The following DIAPH3 variants were observed in gnomAD, a reference collection of about 807,000 sequenced individuals.
DIAPH3 encodes the protein protein diaphanous homolog 3.
Under a neutral mutation model 144.3 loss-of-function variants are expected in DIAPH3, and 117 were observed. That is an observed-to-expected ratio of 0.81 (90% CI 0.70 to 0.95). The LOEUF (loss-of-function observed/expected upper bound fraction) is 0.95. Ranked by LOEUF, DIAPH3 falls within the 40% of genes least tolerant of loss-of-function variation. DIAPH3 has a pLI of 0.00. For synonymous variants in DIAPH3, 519 were observed against 488.9 expected (o/e 1.06, Z -0.81); for missense variants, 1,421 against 1,412.7 (o/e 1.01, Z -0.09).
At chr13:59,670,866 G>C (rs887120824) in intron 27 of DIAPH3, among the ~76,000 whole-genome samples, 1 of 152,112 alleles carries the variant, frequency 6.6e-6, no homozygotes, top group African/African-American at 2.4e-5. Context: ...TTTCAGGTGT[G>C]AGCTACTGCA....
rs1409598861 is a variant in DIAPH3 at position 59,924,484 on chromosome 13, AT to A, written c.2170+290del. On this transcript the variant is annotated intron_variant, in intron 18 of 27. Coordinates refer to ENST00000400324, the MANE Select transcript of DIAPH3 (RefSeq NM_001042517.2). ...CATTACCTAAATTCCTTAAGTCTTT[AT>A]TTTTATACTTTAAAAAAAGGGACTT... 7.4e-5 allele frequency among the ~76,000 whole-genome samples: 9 copies of A among 121,546 alleles called. No homozygotes were observed. In the East Asian group the frequency reaches 1.8e-3, roughly 24 times the overall value. The allele number at this position is 121,546 out of a possible 152,430, so 79.7% of individuals were successfully genotyped here. A position where few individuals can be genotyped will look rare whatever the true frequency, so the allele number is the denominator to read the frequency against.
intron 27 of DIAPH3, among the ~76,000 whole-genome samples, chr13:59,701,578 TA>T (rs1384585319): frequency 6.6e-6 from 1 of 152,238 alleles, no homozygotes; most frequent in Non-Finnish European, 1.5e-5. Context: ...GCTCACTGAA[TA>T]AATGAACTGA....
At chr13:59,680,907 G>A (rs902070258) in intron 27 of DIAPH3, among the ~76,000 whole-genome samples, 2 of 152,090 alleles carry the variant, frequency 1.3e-5, no homozygotes, top group Non-Finnish European at 2.9e-5. Flanking sequence ...CTCATGATAC[G>A]AAAAGACCGC....
intron 25 of DIAPH3, among the ~76,000 whole-genome samples, chr13:59,791,644 C>T (rs189174837): frequency 9.1e-4 from 139 of 152,184 alleles, no homozygotes; most frequent in Middle Eastern, 3.4e-3. Context: ...CTTAGGTTTG[C>T]TGACTTATAT....
At chr13:59,987,146 T>TA (rs1215854187) in intron 12 of DIAPH3, among the ~76,000 whole-genome samples, 1 of 151,738 alleles carries the variant, frequency 6.6e-6, no homozygotes, top group African/African-American at 2.4e-5. Flanking sequence ...TATGCAGCCA[T>TA]AAAAAATGAT....
intron 9 of DIAPH3, among the ~76,000 whole-genome samples, chr13:60,007,753 T>A (rs1411621567): frequency 6.6e-6 from 1 of 152,234 alleles, no homozygotes; most frequent in Non-Finnish European, 1.5e-5. Flanking sequence ...ATGAATATTA[T>A]TCAGCTTGAA....
At chr13:59,668,232 G>A (rs2138574024) in intron 27 of DIAPH3, among the ~76,000 whole-genome samples, 1 of 152,298 alleles carries the variant, frequency 6.6e-6, no homozygotes, top group South Asian at 2.1e-4. Context: ...TGGTATTCCT[G>A]CAGTTCCTAT....
intron 27 of DIAPH3, among the ~76,000 whole-genome samples, chr13:59,708,418 T>C (rs1049990625): frequency 6.6e-6 from 1 of 152,176 alleles, no homozygotes; most frequent in African/African-American, 2.4e-5. Context: ...ACCACTGCAC[T>C]AAAATTCCCC....
intron 27 of DIAPH3, among the ~76,000 whole-genome samples, chr13:59,670,133 T>C (rs1334749015): frequency 1.3e-5 from 2 of 152,268 alleles, no homozygotes; most frequent in East Asian, 3.9e-4. Context: ...AAACTCAAAA[T>C]AGCTGTGGGC....
chr13:59,987,475 T>TAAAAAAAAAAAAAAAAAAAAAAAA (rs201333360), intron 12 of DIAPH3, among the ~76,000 whole-genome samples: 5 of 70,074 alleles, frequency 7.1e-5, no homozygotes, highest in Non-Finnish European at 9.4e-5. Flanking sequence ...TAAAGTATAA[T>TAAAAAAAAAAAAAAAAAAAAAAAA]AAAAAAAAAA....
intron 27 of DIAPH3, among the ~76,000 whole-genome samples, chr13:59,765,567 C>T (rs1418896087): frequency 1.3e-5 from 2 of 152,132 alleles, no homozygotes; most frequent in African/African-American, 4.8e-5. Context: ...ACCTGTTTGA[C>T]CTCAAAGCCC....
chr13:59,709,282 G>A (rs545642276), intron 27 of DIAPH3, among the ~76,000 whole-genome samples: 1 of 152,186 alleles, frequency 6.6e-6, no homozygotes, highest in African/African-American at 2.4e-5. Flanking sequence ...AAAAGTAAAA[G>A]ACACTACCAT....
intron 27 of DIAPH3, among the ~76,000 whole-genome samples, chr13:59,714,225 T>G (rs554761487): frequency 6.6e-6 from 1 of 150,818 alleles, no homozygotes; most frequent in Non-Finnish European, 1.5e-5. Context: ...CCGGGCGTAG[T>G]GGCGGGCGCC....
chr13:59,961,375 G>C (rs956841405), intron 17 of DIAPH3, among the ~76,000 whole-genome samples: 10 of 152,162 alleles, frequency 6.6e-5, no homozygotes, highest in Non-Finnish European at 1.3e-4. Context: ...CGCTGTAAAA[G>C]CCAGGGTCAC....
intron 4 of DIAPH3, among the ~76,000 whole-genome samples, chr13:60,063,351 T>A (rs1412158976): frequency 6.6e-6 from 1 of 152,170 alleles, no homozygotes; most frequent in Non-Finnish European, 1.5e-5. Context: ...CAGTTATTCC[T>A]CCACTAAAGT....
intron 4 of DIAPH3, among the ~76,000 whole-genome samples, chr13:60,090,104 A>G (rs920014593): frequency 1.3e-5 from 2 of 152,154 alleles, no homozygotes; most frequent in African/African-American, 2.4e-5. Flanking sequence ...TGGCTCTCCA[A>G]CTCTGGATCC....
intron 1 of DIAPH3, among the ~76,000 whole-genome samples, chr13:60,145,962 T>C (rs1403521632): frequency 6.6e-6 from 1 of 152,074 alleles, no homozygotes; most frequent in Non-Finnish European, 1.5e-5. Context: ...CTAAAGAAAA[T>C]TTAATTTCTT....
chr13:59,849,767 G>T (rs1280446580), intron 22 of DIAPH3, among the ~76,000 whole-genome samples: 4 of 68,700 alleles, frequency 5.8e-5, no homozygotes, highest in African/African-American at 2.3e-4. Context: ...CTCCAGCTTT[G>T]TTCTTTTGGC....
intron 17 of DIAPH3, among the ~76,000 whole-genome samples, chr13:59,965,785 T>G (rs1275535374): frequency 6.6e-6 from 1 of 152,106 alleles, no homozygotes; most frequent in African/African-American, 2.4e-5. Flanking sequence ...TCATCAGGAA[T>G]GTAAAAGCAA....
Sources: allele counts gnomAD v4.1 joint callset (sites outside exome capture counted in the v4.1 genomes callset), GRCh38; gene constraint gnomAD v4.1.1; transcripts MANE v1.5; gene names NCBI Gene and HGNC (gene_info 2026-07-23, HGNC 2026-07-21).